Variants in EFHD1 observed in about 807,000 individuals in gnomAD.
The protein encoded by EFHD1 is EF-hand domain family member D1.
In EFHD1, 10 loss-of-function variants were observed where a neutral mutation model predicts 17.2. That is an observed-to-expected ratio of 0.58 (90% CI 0.36 to 0.99). The LOEUF (loss-of-function observed/expected upper bound fraction) is 0.99, where lower values mean the gene tolerates loss of function less well. Among genes scored for constraint, EFHD1 ranks in the 50% least tolerant of loss-of-function variants. The pLI, the probability that EFHD1 is intolerant of heterozygous loss-of-function variation, is 0.01. For missense variants in EFHD1, 310 were observed against 327.5 expected (o/e 0.95, Z 0.41); for synonymous variants, 153 against 142.0 (o/e 1.08, Z -0.55).
At chr2:232,609,799 G>A (rs1457076870) in intron 1 of EFHD1, among the ~76,000 whole-genome samples, 1 of 152,190 alleles carries the variant, frequency 6.6e-6, no homozygotes, top group East Asian at 1.9e-4. Flanking sequence ...TTACCTTTTG[G>A]CACACAACAC....
intron 1 of EFHD1, among the ~76,000 whole-genome samples, chr2:232,621,387 G>A (rs1694014626): frequency 1.3e-5 from 2 of 152,168 alleles, no homozygotes. Context: ...ACAGCTAAGT[G>A]CTTTACAGGC....
At chr2:232,654,385 G>A (rs1027109391) in intron 1 of EFHD1, among the ~76,000 whole-genome samples, 1 of 150,406 alleles carries the variant, frequency 6.6e-6, no homozygotes, top group Non-Finnish European at 1.5e-5. Context: ...GAACCCCAGA[G>A]GTAAAAGGAT....
Position 232,611,266 on chromosome 2 carries a change from G to A in EFHD1, c.14+5093G>A, listed in dbSNP as rs547920493. Reference sequence around the variant, plus strand: ...ATTACAAGCGTGAGTCCCTGTGCCCGGCCTCCAGGGGCTTCTTGATAGAAC... The same window carrying A: ...ATTACAAGCGTGAGTCCCTGTGCCCAGCCTCCAGGGGCTTCTTGATAGAAC... On this transcript the variant is annotated intron_variant, in intron 1 of 3. Coordinates refer to the EFHD1 transcript ENST00000409613. 1.3e-4 allele frequency among the ~76,000 whole-genome samples: 19 copies of A among 150,962 alleles called. No homozygotes were observed. In the South Asian group the frequency reaches 3.4e-3, roughly 27 times the overall value.
chr2:232,641,726 C>T (rs1694435698), intron 1 of EFHD1, among the ~76,000 whole-genome samples: 2 of 152,234 alleles, frequency 1.3e-5, no homozygotes, highest in African/African-American at 4.8e-5. Context: ...CCATGCTAGG[C>T]AGTCGCTTTA....
intron 1 of EFHD1, among the ~76,000 whole-genome samples, chr2:232,639,007 G>T (rs1694373690): frequency 6.6e-6 from 1 of 152,162 alleles, no homozygotes; most frequent in Admixed American, 6.5e-5. Flanking sequence ...TCTTAGACGG[G>T]TTTAAGTGCT....
chr2:232,614,088 T>C (rs573274759), intron 1 of EFHD1, among the ~76,000 whole-genome samples: 34 of 45,064 alleles, frequency 7.5e-4, no homozygotes, highest in African/African-American at 1.9e-3. Flanking sequence ...CACACATATA[T>C]ACACACATAC....
At chr2:232,652,754 C>T (rs1251076397) in intron 1 of EFHD1, among the ~76,000 whole-genome samples, 2 of 152,086 alleles carry the variant, frequency 1.3e-5, no homozygotes, top group Non-Finnish European at 2.9e-5. Context: ...AGGTAGACAT[C>T]AGGCATTTTG....
intron 1 of EFHD1, among the ~76,000 whole-genome samples, chr2:232,609,466 GTTCC>G (rs1201955865): frequency 1.3e-5 from 2 of 152,206 alleles, no homozygotes; most frequent in Non-Finnish European, 2.9e-5. Flanking sequence ...TTATTTGTTA[GTTCC>G]TTCCTTTATC....
At chr2:232,626,220 C>T (rs1446468908) in intron 1 of EFHD1, among the ~76,000 whole-genome samples, 2 of 151,512 alleles carry the variant, frequency 1.3e-5, no homozygotes, top group African/African-American at 4.9e-5. Context: ...TATATATATC[C>T]TTGATGAAGC....
chr2:232,632,596 C>G (rs542867023), upstream of EFHD1, among the ~76,000 whole-genome samples: 116 of 152,202 alleles, frequency 7.6e-4, no homozygotes, highest in East Asian at 1.9e-4. Context: ...TCCTTCTTTC[C>G]TTTCTTTTTT....
intron 3 of EFHD1, among the ~76,000 whole-genome samples, chr2:232,677,280 C>T (rs955127046): frequency 1.5e-4 from 22 of 148,784 alleles, no homozygotes; most frequent in Admixed American, 6.7e-5. Flanking sequence ...CACATACACA[C>T]ACACACACAC....
chr2:232,632,928 C>A (rs75852608), upstream of EFHD1, among the ~76,000 whole-genome samples: 1 of 152,260 alleles, frequency 6.6e-6, no homozygotes, highest in African/African-American at 2.4e-5. Context: ...GGTTTCTTCT[C>A]TTTTCTTGTG....
At chr2:232,615,684 CTT>C (rs34266488) in intron 1 of EFHD1, among the ~76,000 whole-genome samples, 3,634 of 108,958 alleles carry the variant, frequency 0.033, 98 homozygotes, top group African/African-American at 0.12. Context: ...TTTTCTTTTC[CTT>C]TTTTTTTTTT....
At chr2:232,617,486 A>G (rs975680240) in intron 1 of EFHD1, among the ~76,000 whole-genome samples, 4 of 91,542 alleles carry the variant, frequency 4.4e-5, no homozygotes, top group South Asian at 2.8e-4. Context: ...CGTCTTTACT[A>G]AAAAAAAATA....
upstream of EFHD1, among the ~76,000 whole-genome samples, chr2:232,630,611 GA>G (rs772907790): frequency 2.9e-4 from 44 of 151,936 alleles, no homozygotes; most frequent in Non-Finnish European, 5.6e-4. Flanking sequence ...ACACTTCAAT[GA>G]AAAAGTGAAA....
At chr2:232,652,076 C>T (rs1182731867) in intron 1 of EFHD1, among the ~76,000 whole-genome samples, 2 of 152,170 alleles carry the variant, frequency 1.3e-5, no homozygotes, top group Admixed American at 6.5e-5. Context: ...CAGCACCACA[C>T]CCCTCAGAGG....
chr2:232,664,826 G>A (rs1160621091), intron 2 of EFHD1, among the ~76,000 whole-genome samples: 1 of 150,010 alleles, frequency 6.7e-6, no homozygotes, highest in Non-Finnish European at 1.5e-5. Flanking sequence ...TGTTAGTCAG[G>A]ATGGTCTCGA....
At chr2:232,669,116 G>A (rs149664504) in intron 2 of EFHD1, among the ~76,000 whole-genome samples, 3 of 152,304 alleles carry the variant, frequency 2.0e-5, no homozygotes, top group East Asian at 1.9e-4. Flanking sequence ...CCTCTCATCC[G>A]CAGCCCTGAA....
intron 1 of EFHD1, among the ~76,000 whole-genome samples, chr2:232,613,789 CAT>C (rs1338232441): frequency 3.8e-4 from 57 of 149,306 alleles, no homozygotes; most frequent in African/African-American, 1.1e-3. Context: ...TATACACACA[CAT>C]ATACACACAA....
Sources: gnomAD v4.1 joint callset for allele counts (sites outside exome capture counted in the v4.1 genomes callset) on GRCh38, gnomAD v4.1.1 for gene constraint, MANE v1.5 for transcripts, NCBI Gene and HGNC (gene_info 2026-07-23, HGNC 2026-07-21) for gene names.